Variants in ATP11B observed in about 807,000 individuals in gnomAD.
ATP11B encodes phospholipid-transporting ATPase IF.
In ATP11B, 81 loss-of-function variants were observed where a neutral mutation model predicts 157.8. The observed-to-expected ratio is 0.51, with a 90% confidence interval of 0.43 to 0.62. ATP11B has a LOEUF of 0.62. Among genes scored for constraint, ATP11B ranks in the 20% least tolerant of loss-of-function variants. ATP11B has a pLI of 0.00. For missense variants in ATP11B, 1,165 were observed against 1,402.2 expected (o/e 0.83, Z 2.70); for synonymous variants, 451 against 469.4 (o/e 0.96, Z 0.51).
intron 2 of ATP11B, 152 bp downstream of exon 2, chr3:182,820,528 C>A (rs144015518): frequency 5.3e-4 from 315 of 596,936 alleles, no homozygotes; most frequent in African/African-American, 5.3e-3. Context: ...TGCAAAAAAT[C>A]AAAAAATTAG....
At chr3:182,822,681 A>G (rs949162075) in intron 2 of ATP11B, among the ~76,000 whole-genome samples, 1 of 152,232 alleles carries the variant, frequency 6.6e-6, no homozygotes, top group African/African-American at 2.4e-5. Flanking sequence ...TAGATGCTTG[A>G]GGAATCACCA....
chr3:182,805,613 C>T lies in ATP11B; in HGVS notation c.27+11827C>T, dbSNP rs546449590. On this transcript the variant is annotated intron_variant, in intron 1 of 29. Coordinates refer to ENST00000323116, the MANE Select transcript of ATP11B (RefSeq NM_014616.3). ...GGTATTATAGGCGCGTGCTACCAGG[C>T]CCAGCTAATTTCTTTTTTTTTTTTT... is the stretch of plus-strand genomic sequence containing the variant. Among the ~76,000 whole-genome samples the T allele has an allele frequency of 4.2e-5, 6 of 144,396 alleles. No homozygotes were observed. The South Asian group carries it at 1.4e-3, about 34-fold the overall frequency. The allele number at this position is 144,396 out of a possible 152,430, so 94.7% of individuals were successfully genotyped here. A position where few individuals can be genotyped will look rare whatever the true frequency, so the allele number is the denominator to read the frequency against.
At chr3:182,844,656 T>C in intron 8 of ATP11B, 1 of 491,430 alleles carries the variant, frequency 2.0e-6, no homozygotes, top group South Asian at 8.8e-5. Context: ...CCTTGTACTT[T>C]GTATTTTATA....
At chr3:182,864,996 A>G (rs1258892120) in intron 12 of ATP11B, among the ~76,000 whole-genome samples, 1 of 152,010 alleles carries the variant, frequency 6.6e-6, no homozygotes, top group Admixed American at 6.6e-5. Context: ...TCGCACCTCT[A>G]ACTTCTTGTG....
At chr3:182,808,412 A>T (rs1465251315) in intron 1 of ATP11B, among the ~76,000 whole-genome samples, 5 of 152,186 alleles carry the variant, frequency 3.3e-5, no homozygotes, top group African/African-American at 1.2e-4. Context: ...ATGCAGTGCT[A>T]ACCTGCCAAT....
intron 1 of ATP11B, among the ~76,000 whole-genome samples, chr3:182,801,528 A>G (rs996109942): frequency 6.6e-6 from 1 of 152,202 alleles, no homozygotes; most frequent in Admixed American, 6.5e-5. Context: ...TTTATGGTAT[A>G]AAGTTGGGCA....
intron 12 of ATP11B, among the ~76,000 whole-genome samples, chr3:182,863,291 T>C (rs991725278): frequency 3.9e-5 from 6 of 152,186 alleles, no homozygotes; most frequent in Non-Finnish European, 8.8e-5. Flanking sequence ...TTACATATTA[T>C]ATATGTAAGG....
At chr3:182,794,255 C>G (rs1715452792) in intron 1 of ATP11B, among the ~76,000 whole-genome samples, 1 of 152,160 alleles carries the variant, frequency 6.6e-6, no homozygotes, top group Non-Finnish European at 1.5e-5. Context: ...CCCCACTCGT[C>G]ACGGACTTCT....
chr3:182,877,879 T>C (rs1436998929), intron 19 of ATP11B, among the ~76,000 whole-genome samples: 1 of 152,170 alleles, frequency 6.6e-6, no homozygotes, highest in African/African-American at 2.4e-5. Flanking sequence ...AAGATCATAA[T>C]GTGATTCATG....
At chr3:182,896,011 G>A (rs1303075095) in intron 25 of ATP11B, among the ~76,000 whole-genome samples, 1 of 152,148 alleles carries the variant, frequency 6.6e-6, no homozygotes, top group Non-Finnish European at 1.5e-5. Flanking sequence ...CTTACAAAAC[G>A]ATGCAGTTTG....
chr3:182,885,958 G>A lies in ATP11B; in HGVS notation c.2663G>A (p.Cys888Tyr). The change falls in exon 23 of 30, where the codon TGC becomes TAC. Residue 888 changes from cysteine to tyrosine, a missense_variant. Around this residue, in one of 4 missense-constraint regions of ATP11B, gnomAD observed 737 missense variants for 930.5 expected, o/e 0.79. Coordinates refer to ENST00000323116, the MANE Select transcript of ATP11B (RefSeq NM_014616.3). ...LVQYFFYKNV[C>Y]FITPQFLYQF... ...TTTAATCTTGTTTTTCAGAATGTGT[G>A]CTTTATCACACCCCAGTTTTTATAT... is the stretch of plus-strand genomic sequence containing the variant. 6.7e-7 allele frequency: 1 copy of A among 1,500,724 alleles called. No homozygotes were observed. The highest frequency in any genetic ancestry group is 8.8e-7 in the Non-Finnish European group (1 of 1,133,022). 93.0% of individuals were successfully genotyped at this position (1,500,724 alleles called of 1,614,324 possible).
intron 4 of ATP11B, chr3:182,830,116 G>A (rs1007150838): frequency 1.1e-5 from 3 of 264,504 alleles, no homozygotes; most frequent in Non-Finnish European, 1.8e-5. Flanking sequence ...TATGTTTATA[G>A]AGAGCAGGGT....
At chr3:182,879,812 CTT>C (rs1722295664) in intron 20 of ATP11B, among the ~76,000 whole-genome samples, 163 bp downstream of exon 20, 1 of 152,188 alleles carries the variant, frequency 6.6e-6, no homozygotes, top group Non-Finnish European at 1.5e-5. Flanking sequence ...GTACATCAGA[CTT>C]TTGGAATTCT....
chr3:182,868,853 A>AT (rs911464120), intron 15 of ATP11B, among the ~76,000 whole-genome samples: 1 of 152,210 alleles, frequency 6.6e-6, no homozygotes, highest in African/African-American at 2.4e-5. Flanking sequence ...ATTAAATGAC[A>AT]TAAGGTGTGT....
chr3:182,892,792 ACCTG>A lies in ATP11B; in HGVS notation c.2982+3249_2982+3252del, dbSNP rs796952356. ...TGGAAAGACTGGAAGAATGTGTATG[ACCTG>A]CCTGAGTTCCTGTCATGTGTGTCTC... On this transcript the variant is annotated intron_variant, in intron 25 of 29. Coordinates refer to ENST00000323116, the MANE Select transcript of ATP11B (RefSeq NM_014616.3). Among the ~76,000 whole-genome samples the A allele has an allele frequency of 8.5e-4, 129 of 152,254 alleles. 1 individual carries two copies. Among genetic ancestry groups the A allele is most frequent in the African/African-American group, 3.0e-3 (123 of 41,552 alleles).
intron 1 of ATP11B, among the ~76,000 whole-genome samples, chr3:182,799,007 T>C (rs1347683587): frequency 6.6e-6 from 1 of 152,258 alleles, no homozygotes; most frequent in Non-Finnish European, 1.5e-5. Context: ...GGTAACAATA[T>C]ATAATGCCTG....
chr3:182,898,706 A>G lies in ATP11B; in HGVS notation c.3252A>G (p.Leu1084=), dbSNP rs377453285. ...TAATCCTCATGGTTGTTACATGTCT[A>G]TTTCTTGATATCATAAAGAAGGTCT... The part of the protein sequence containing the change: ...FAIILMVVTC[L]FLDIIKKVFD... Residue 1084 remains leucine (L), a synonymous_variant, in exon 28 of 30, where the codon CTA becomes CTG. Transcript: ENST00000323116. 8.8e-6 allele frequency: 14 copies of G among 1,599,780 alleles called. No individual in the cohort carries two copies. The highest frequency in any genetic ancestry group is 1.3e-5 in the African/African-American group (1 of 74,324).
At chr3:182,872,823 A>C (rs1380623637) in intron 18 of ATP11B, among the ~76,000 whole-genome samples, 3 of 152,196 alleles carry the variant, frequency 2.0e-5, no homozygotes, top group Non-Finnish European at 2.9e-5. Context: ...GCACCTGCTT[A>C]ATTCTCCAGC....
chr3:182,888,433 G>T (rs1013910472), intron 24 of ATP11B, among the ~76,000 whole-genome samples: 4 of 152,136 alleles, frequency 2.6e-5, no homozygotes, highest in Non-Finnish European at 5.9e-5. Flanking sequence ...AGACCATTAT[G>T]GCAGAGTGAC....
Sources: allele counts gnomAD v4.1 joint callset (sites outside exome capture counted in the v4.1 genomes callset), GRCh38; gene constraint gnomAD v4.1.1; regional missense constraint gnomAD v4.1.1; transcripts MANE v1.5; gene names NCBI Gene and HGNC (gene_info 2026-07-23, HGNC 2026-07-21).